PTPRN2: variants seen among roughly 807,000 people sequenced by gnomAD.
The protein encoded by PTPRN2 is protein tyrosine phosphatase receptor type N2.
PTPRN2 carries 74 observed loss-of-function variants against 118.8 expected under a neutral mutation model. That is an observed-to-expected ratio of 0.62 (90% CI 0.52 to 0.76). PTPRN2 has a LOEUF of 0.76. PTPRN2 is among the 30% of genes least tolerant of loss of function. The pLI is 0.00. For missense variants in PTPRN2, 1,481 were observed against 1,394.4 expected, an observed-to-expected ratio of 1.06 and a Z score of -0.99; for synonymous variants, 641 against 608.0, an observed-to-expected ratio of 1.05 and a Z score of -0.80.
intron 1 of PTPRN2, among the ~76,000 whole-genome samples, chr7:158,545,691 C>T (rs185494786): frequency 6.6e-6 from 1 of 152,282 alleles, no homozygotes; most frequent in East Asian, 1.9e-4. Context: ...CAATCCTGTC[C>T]CTGTTTCCTT....
intron 11 of PTPRN2, among the ~76,000 whole-genome samples, chr7:158,053,940 T>TCAGAGATGCAGAGACC: frequency 1.3e-5 from 1 of 74,926 alleles, no homozygotes; most frequent in African/African-American, 5.6e-5. Flanking sequence ...ACGCAGAGAC[T>TCAGAGATGCAGAGACC]CCAGAGATGC....
intron 3 of PTPRN2, among the ~76,000 whole-genome samples, chr7:158,242,314 C>A (rs530975953): frequency 6.6e-6 from 1 of 152,206 alleles, no homozygotes; most frequent in Non-Finnish European, 1.5e-5. Context: ...CTCTTAGTTC[C>A]GCTTCTTTTC....
intron 2 of PTPRN2, among the ~76,000 whole-genome samples, chr7:158,448,476 G>A (rs2129437409): frequency 6.6e-6 from 1 of 152,130 alleles, no homozygotes; most frequent in South Asian, 2.1e-4. Flanking sequence ...GGTCTGGGCA[G>A]CGCTGCAGTG....
rs1243013308 is a variant in PTPRN2, at chr7:158,441,038, A to G, written c.163+48697T>C. Among the ~76,000 whole-genome samples, 8 of 119,468 alleles carry G rather than the reference A, an allele frequency of 6.7e-5. No individual in the cohort carries two copies. The East Asian group carries it at 1.9e-3, about 29-fold the overall frequency. 78.4% of individuals were successfully genotyped at this position (119,468 alleles called of 152,430 possible). A position where few individuals can be genotyped will look rare whatever the true frequency, so the allele number is the denominator to read the frequency against. The stretch of plus-strand genomic sequence containing the variant: ...TAGTCGTGGTGGTGGTGACAGTGGT[A>G]GTAGTGATGGTGGTAGTGATGGGGG... On this transcript the variant is annotated intron_variant, in intron 2 of 22. Coordinates refer to ENST00000389418, the MANE Select transcript of PTPRN2 (RefSeq NM_002847.5).
At chr7:157,626,919 TG>T (rs1399613672) in intron 14 of PTPRN2, among the ~76,000 whole-genome samples, 2 of 152,226 alleles carry the variant, frequency 1.3e-5, no homozygotes, top group Non-Finnish European at 2.9e-5. Flanking sequence ...TTTCTGGGGT[TG>T]CCCAGCAAAC....
intron 6 of PTPRN2, among the ~76,000 whole-genome samples, chr7:158,141,691 G>T (rs946236225): frequency 5.9e-5 from 9 of 152,100 alleles, no homozygotes; most frequent in Admixed American, 1.3e-4. Flanking sequence ...CCAGGGTCTC[G>T]CATGGAAAGG....
chr7:157,866,647 G>A (rs922491478), intron 12 of PTPRN2, among the ~76,000 whole-genome samples: 1 of 152,064 alleles, frequency 6.6e-6, no homozygotes, highest in Admixed American at 6.5e-5. Context: ...GCCCAGCTCA[G>A]GGTCTGCACC....
chr7:158,212,140 C>G (rs1484029559), intron 3 of PTPRN2, among the ~76,000 whole-genome samples: 1 of 152,042 alleles, frequency 6.6e-6, no homozygotes, highest in Non-Finnish European at 1.5e-5. Flanking sequence ...CATGTTCTCA[C>G]CGATTTGTGG....
intron 5 of PTPRN2, among the ~76,000 whole-genome samples, chr7:158,175,912 C>G (rs952067362): frequency 6.6e-6 from 1 of 152,154 alleles, no homozygotes; most frequent in South Asian, 2.1e-4. Flanking sequence ...CAGTGCTGCT[C>G]TCAGTCTGCC....
At chr7:158,132,192 GCA>G (rs1818389557) in intron 9 of PTPRN2, among the ~76,000 whole-genome samples, 1 of 147,136 alleles carries the variant, frequency 6.8e-6, no homozygotes, top group Non-Finnish European at 1.5e-5. Context: ...ACACACACAC[GCA>G]CAGATACACA....
chr7:157,705,037 G>T (rs1385275362), intron 12 of PTPRN2, among the ~76,000 whole-genome samples: 1 of 152,236 alleles, frequency 6.6e-6, no homozygotes, highest in African/African-American at 2.4e-5. Flanking sequence ...GCCGGGCGTG[G>T]TGGCTCACGC....
intron 14 of PTPRN2, among the ~76,000 whole-genome samples, chr7:157,642,837 A>AAAAAAAAAAAAAAC (rs1804776547): frequency 6.8e-6 from 1 of 147,420 alleles, no homozygotes. Flanking sequence ...AAAAAAAAAA[A>AAAAAAAAAAAAAAC]AAAAAAAGCA....
intron 12 of PTPRN2, among the ~76,000 whole-genome samples, chr7:157,844,822 G>A (rs1808684807): frequency 1.3e-5 from 2 of 152,216 alleles, no homozygotes; most frequent in African/African-American, 4.8e-5. Flanking sequence ...ATAGCAGTAT[G>A]TTAGCATCTG....
chr7:157,766,734 A>G (rs780161056), intron 12 of PTPRN2, among the ~76,000 whole-genome samples: 30 of 152,222 alleles, frequency 2.0e-4, no homozygotes, highest in Non-Finnish European at 3.2e-4. Flanking sequence ...TTTGGCTGAG[A>G]CACCATTTCT....
At chr7:158,129,196 C>T (rs1817953093) in intron 9 of PTPRN2, among the ~76,000 whole-genome samples, 1 of 149,300 alleles carries the variant, frequency 6.7e-6, no homozygotes, top group Non-Finnish European at 1.5e-5. Context: ...ACACACTACA[C>T]ACCACAAACA....
intron 2 of PTPRN2, among the ~76,000 whole-genome samples, chr7:158,363,870 T>C (rs1809210790): frequency 6.6e-6 from 1 of 152,000 alleles, no homozygotes; most frequent in Non-Finnish European, 1.5e-5. Context: ...GAGTCTCTGG[T>C]GTTGATCACA....
chr7:158,278,687 A>T (rs908298886), intron 3 of PTPRN2, among the ~76,000 whole-genome samples: 5 of 152,186 alleles, frequency 3.3e-5, no homozygotes, highest in Non-Finnish European at 2.9e-5. Context: ...GTTTTTAAAG[A>T]TGGTGTGTCC....
rs1810953851 is a variant in PTPRN2, at chr7:157,870,000, CT to C, written c.1788+28672del. On this transcript the variant is annotated intron_variant, in intron 12 of 22. Transcript: ENST00000389418. The surrounding 1 kb of genome is among the most constrained non-coding windows in gnomAD (Gnocchi z 4.2). ...CTCGGTAGCCACTGCTGTGGTTGTG[CT>C]TGGTCATCAGGATGGTACTGGTAAA... 6.6e-6 allele frequency among the ~76,000 whole-genome samples: 1 copy of C among 152,136 alleles called. No homozygotes were observed. The highest frequency in any genetic ancestry group is 1.5e-5 in the Non-Finnish European group (1 of 68,002).
At chr7:158,098,498 C>G (rs552668782) in intron 10 of PTPRN2, among the ~76,000 whole-genome samples, 5 of 152,206 alleles carry the variant, frequency 3.3e-5, no homozygotes, top group African/African-American at 1.2e-4. Flanking sequence ...GCGGAGAAGC[C>G]GTCCGTGCTC....
Sources: gnomAD v4.1 joint callset for allele counts (sites outside exome capture counted in the v4.1 genomes callset) on GRCh38, gnomAD v4.1.1 for gene constraint, Gnocchi (gnomAD v3.1) non-coding constraint, MANE v1.5 for transcripts, NCBI Gene and HGNC (gene_info 2026-07-23, HGNC 2026-07-21) for gene names.